GTF2F2: variants seen among roughly 807,000 people sequenced by gnomAD.
The protein encoded by GTF2F2 is general transcription factor IIF subunit 2.
A neutral mutation model predicts 42.2 loss-of-function variants in GTF2F2; 23 were observed. The observed-to-expected ratio is 0.55, with a 90% CI of 0.39 to 0.77. The LOEUF (loss-of-function observed/expected upper bound fraction) is 0.77, where lower values mean the gene tolerates loss of function less well. Ranked by LOEUF, GTF2F2 falls within the 30% of genes least tolerant of loss-of-function variation. GTF2F2 has a pLI of 0.00. For missense variants in GTF2F2, 261 were observed against 287.2 expected (o/e 0.91, Z 0.66); for synonymous variants, 105 against 100.8 (o/e 1.04, Z -0.25).
intron 4 of GTF2F2, among the ~76,000 whole-genome samples, chr13:45,154,144 T>A (rs1040951910): frequency 4.0e-5 from 6 of 151,896 alleles, no homozygotes; most frequent in African/African-American, 1.5e-4. Context: ...TAAAAAGGAG[T>A]CATTGCCTTG....
chr13:45,213,218 A>G (rs560868935), intron 5 of GTF2F2, among the ~76,000 whole-genome samples: 5 of 152,186 alleles, frequency 3.3e-5, no homozygotes, highest in Non-Finnish European at 7.4e-5. Context: ...AGCTGGGATT[A>G]CAGGCACCCG....
In GTF2F2 at chr13:45,252,990, C is replaced by G; in HGVS notation, c.486+20C>G. 1.1e-6 allele frequency: 1 copy of G among 946,168 alleles called. No homozygotes were observed. Among genetic ancestry groups the G allele is most frequent in the South Asian group, 1.7e-5 (1 of 58,748 alleles). 58.6% of individuals were successfully genotyped at this position (946,168 alleles called of 1,614,324 possible). On this transcript the variant is annotated intron_variant, in intron 6 of 7. Transcript: ENST00000340473. ...TACAATGTAAGTCTTCTGCTTGTCTCTTTTCATTCTTTTATATCTTCATTC... is the reference window on the plus strand; with the variant it reads ...TACAATGTAAGTCTTCTGCTTGTCTGTTTTCATTCTTTTATATCTTCATTC...
At chr13:45,167,377 C>G (rs1871344365) in intron 4 of GTF2F2, among the ~76,000 whole-genome samples, 1 of 149,200 alleles carries the variant, frequency 6.7e-6, no homozygotes, top group South Asian at 2.1e-4. Flanking sequence ...CCACCACACC[C>G]AGCTAATTTC....
chr13:45,169,038 C>G (rs1221714825), intron 4 of GTF2F2, among the ~76,000 whole-genome samples: 1 of 151,200 alleles, frequency 6.6e-6, no homozygotes, highest in Non-Finnish European at 1.5e-5. Flanking sequence ...CCCCGTTGCC[C>G]AGGCTGGGAT....
At chr13:45,262,182 G>T (rs1230105051) in intron 6 of GTF2F2, among the ~76,000 whole-genome samples, 2 of 152,074 alleles carry the variant, frequency 1.3e-5, no homozygotes, top group Non-Finnish European at 2.9e-5. Context: ...GACCAACCTC[G>T]GCAGTATAGC....
At chr13:45,240,101 ATTTTTT>A (rs34744288) in intron 5 of GTF2F2, among the ~76,000 whole-genome samples, 12 of 91,102 alleles carry the variant, frequency 1.3e-4, no homozygotes, top group Non-Finnish European at 2.2e-4. Context: ...ATGTAGAGGG[ATTTTTT>A]TTTTTTTTTT....
Position 45,283,763 on chromosome 13 carries a change from GACTTA to G in GTF2F2, c.*207_*211del. 3.3e-6 allele frequency: 1 copy of G among 301,276 alleles called. No homozygotes were observed. The highest frequency in any genetic ancestry group is 6.1e-6 in the Non-Finnish European group (1 of 162,802). The allele number at this position is 301,276 out of a possible 1,614,324, so 18.7% of individuals were successfully genotyped here. ...AGGAGAAAGAACAGATTTATTTATA[GACTTA>G]ACTTGTATTAAACCAGATTATTCAC... is the stretch of plus-strand genomic sequence containing the variant. On this transcript the variant is annotated 3_prime_UTR_variant, in exon 8 of 8. Transcript: ENST00000340473.
intron 7 of GTF2F2, among the ~76,000 whole-genome samples, chr13:45,273,775 C>T (rs1256637802): frequency 6.6e-6 from 1 of 150,910 alleles, no homozygotes; most frequent in East Asian, 1.9e-4. Context: ...CTGCCTCAGC[C>T]TCCTGAGTAG....
At chr13:45,147,619 G>A (rs1237873184) in intron 2 of GTF2F2, among the ~76,000 whole-genome samples, 2 of 152,056 alleles carry the variant, frequency 1.3e-5, no homozygotes, top group Non-Finnish European at 2.9e-5. Context: ...TTCTCACCTC[G>A]TTTTAAGATA....
In GTF2F2 at chr13:45,283,785, A is replaced by G; in HGVS notation, c.*224A>G. 1 of 250,050 alleles carries G rather than the reference A, an allele frequency of 4.0e-6. No homozygotes were observed. Among genetic ancestry groups the G allele is most frequent in the Non-Finnish European group, 7.7e-6 (1 of 130,622 alleles). 15.5% of individuals were successfully genotyped at this position (250,050 alleles called of 1,614,324 possible). A position where few individuals can be genotyped will look rare whatever the true frequency, so the allele number is the denominator to read the frequency against. On this transcript the variant is annotated 3_prime_UTR_variant, in exon 8 of 8. Transcript: ENST00000340473. ...ATAGACTTAACTTGTATTAAACCAG[A>G]TTATTCACAGTAGGAATAGGGGTTG...
At chr13:45,250,118 G>A (rs1033041883) in intron 5 of GTF2F2, among the ~76,000 whole-genome samples, 1 of 137,116 alleles carries the variant, frequency 7.3e-6, no homozygotes, top group Non-Finnish European at 1.5e-5. Flanking sequence ...GCAGTGACAC[G>A]ATGTTGGCTC....
At chr13:45,217,847 T>C (rs540738720) in intron 5 of GTF2F2, among the ~76,000 whole-genome samples, 2 of 152,348 alleles carry the variant, frequency 1.3e-5, no homozygotes, top group South Asian at 4.1e-4. Flanking sequence ...CTCCTGTTTT[T>C]ACTTTTTCCC....
At chr13:45,181,128 C>G (rs1872136256) in intron 4 of GTF2F2, among the ~76,000 whole-genome samples, 1 of 150,078 alleles carries the variant, frequency 6.7e-6, no homozygotes, top group Admixed American at 6.7e-5. Context: ...GATCACACCA[C>G]TACACTCCAG....
intron 4 of GTF2F2, among the ~76,000 whole-genome samples, chr13:45,153,096 G>A (rs184999572): frequency 3.3e-5 from 5 of 149,306 alleles, no homozygotes; most frequent in Admixed American, 2.0e-4. Context: ...TGCAAGCTCC[G>A]CCTACCGGGT....
intron 4 of GTF2F2, among the ~76,000 whole-genome samples, chr13:45,205,771 G>A (rs576474927): frequency 4.6e-5 from 7 of 152,232 alleles, no homozygotes; most frequent in Admixed American, 1.3e-4. Flanking sequence ...GCCTGCCTCG[G>A]CCTCCCAAAG....
chr13:45,149,726 A>G (rs377468134), intron 2 of GTF2F2, 44 bp from the exon 3 acceptor site: 15 of 1,470,104 alleles, frequency 1.0e-5, no homozygotes, highest in Non-Finnish European at 1.3e-5. Flanking sequence ...TGAAAACAAC[A>G]TGAAATCTAA....
intron 5 of GTF2F2, among the ~76,000 whole-genome samples, chr13:45,242,815 G>T (rs1442020425): frequency 6.6e-6 from 1 of 152,166 alleles, no homozygotes; most frequent in African/African-American, 2.4e-5. Flanking sequence ...GAGAAATGCT[G>T]TACTTAGAAA....
intron 7 of GTF2F2, among the ~76,000 whole-genome samples, chr13:45,280,351 T>C (rs1432136169): frequency 6.6e-6 from 1 of 152,256 alleles, no homozygotes; most frequent in African/African-American, 2.4e-5. Flanking sequence ...TCTCTGTCCA[T>C]GTCTTCCCTT....
chr13:45,184,843 C>T (rs1026874866), intron 4 of GTF2F2, among the ~76,000 whole-genome samples: 2 of 152,044 alleles, frequency 1.3e-5, no homozygotes, highest in South Asian at 2.1e-4. Flanking sequence ...GACAGGGTCT[C>T]GCTCTGTTGC....
Sources: allele counts gnomAD v4.1 joint callset (sites outside exome capture counted in the v4.1 genomes callset), GRCh38; gene constraint gnomAD v4.1.1; transcripts MANE v1.5; gene names NCBI Gene and HGNC (gene_info 2026-07-23, HGNC 2026-07-21).